Variants in MMP26 observed in about 807,000 individuals in gnomAD.
MMP26 encodes matrix metallopeptidase 26, also known as matrix metalloproteinase-26.
MMP26 carries 33 observed loss-of-function variants against 31.0 expected under a neutral mutation model. That is an observed-to-expected ratio of 1.06 (90% CI 0.81 to 1.42). MMP26 has a LOEUF of 1.42. MMP26 is among the 40% of genes most tolerant of loss of function. The pLI is 0.00. For synonymous variants in MMP26, 122 were observed against 114.9 expected (o/e 1.06, Z -0.40); for missense variants, 347 against 316.1 (o/e 1.10, Z -0.74).
chr11:4,789,753 G>C (rs1195539758), intron 2 of MMP26, among the ~76,000 whole-genome samples: 1 of 151,440 alleles, frequency 6.6e-6, no homozygotes, highest in Non-Finnish European at 1.5e-5. Flanking sequence ...TGTTAGCCAG[G>C]ATGGTGTCGA....
intron 2 of MMP26, among the ~76,000 whole-genome samples, chr11:4,957,313 G>T (rs1846457460): frequency 6.6e-6 from 1 of 152,136 alleles, no homozygotes; most frequent in African/African-American, 2.4e-5. Context: ...AAGAGTTAAA[G>T]AATATATTTG....
At position 4,836,041 on chromosome 11, in the gene MMP26, T is replaced by C. The variant is rs574218587; in HGVS notation, c.-145+68700T>C. 2.6e-5 allele frequency among the ~76,000 whole-genome samples: 4 copies of C among 152,146 alleles called. No individual in the cohort carries two copies. In the South Asian group the frequency reaches 8.3e-4, roughly 32 times the overall value. On this transcript the variant is annotated intron_variant, in intron 2 of 7. Coordinates refer to ENST00000380390, the MANE Select transcript of MMP26 (RefSeq NM_021801.5). ...AATTTTATTGGAAAACAGAAAAAAC[T>C]GTTAATGAAACACTTATACACTCTT...
chr11:4,854,115 T>C (rs1850014423), intron 2 of MMP26, among the ~76,000 whole-genome samples: 1 of 152,160 alleles, frequency 6.6e-6, no homozygotes, highest in Non-Finnish European at 1.5e-5. Flanking sequence ...GATGGCTGAA[T>C]AGGAACAGCT....
At chr11:4,941,867 T>C (rs2595999) in intron 2 of MMP26, among the ~76,000 whole-genome samples, 125,393 of 150,424 alleles carry the variant, frequency 0.83, 52,451 homozygotes, top group Middle Eastern at 0.92. Context: ...AGGTGGATCA[T>C]GAGGTCAGGA....
intron 2 of MMP26, among the ~76,000 whole-genome samples, chr11:4,881,473 A>G (rs1371645633): frequency 1.3e-5 from 2 of 152,136 alleles, no homozygotes; most frequent in Non-Finnish European, 2.9e-5. Flanking sequence ...CTCCACAAAC[A>G]TTCTTCTTTA....
chr11:4,808,375 A>G (rs144044790), intron 2 of MMP26, among the ~76,000 whole-genome samples: 2 of 152,226 alleles, frequency 1.3e-5, no homozygotes, highest in East Asian at 3.9e-4. Context: ...TGCATGCTGA[A>G]TTAGAGGAAG....
intron 2 of MMP26, among the ~76,000 whole-genome samples, chr11:4,813,559 A>G (rs1307469246): frequency 6.6e-6 from 1 of 152,172 alleles, no homozygotes; most frequent in East Asian, 1.9e-4. Context: ...AATCAATTCT[A>G]TTCAGTGACA....
chr11:4,712,576 T>G (rs1039569620), intron 1 of MMP26, among the ~76,000 whole-genome samples: 1 of 152,152 alleles, frequency 6.6e-6, no homozygotes, highest in Non-Finnish European at 1.5e-5. Flanking sequence ...AAAAATAATT[T>G]TGAAGTTGGA....
In MMP26 at chr11:4,886,377, C is replaced by T. The variant is rs148906107; in HGVS notation, c.-144-101691C>T. On this transcript the variant is annotated intron_variant, in intron 2 of 7. Transcript: ENST00000380390. ...TTCGTAAGTCTTTAACTTCCTAACCCAGAGAAGAAGAGGAAGTAATAAATT... is the reference window on the plus strand; with the variant it reads ...TTCGTAAGTCTTTAACTTCCTAACCTAGAGAAGAAGAGGAAGTAATAAATT... Among the ~76,000 whole-genome samples, 719 of 152,088 alleles carry T rather than the reference C, an allele frequency of 4.7e-3. 7 individuals are homozygous for T. The highest frequency in any genetic ancestry group is 0.015 in the African/African-American group (614 of 41,512).
chr11:4,988,651 C>A (rs1330460252), intron 3 of MMP26, among the ~76,000 whole-genome samples: 1 of 151,994 alleles, frequency 6.6e-6, no homozygotes, highest in East Asian at 1.9e-4. Context: ...AGTGAGAGAT[C>A]AAGGGAAATC....
At chr11:4,925,290 C>T (rs1246174277) in intron 2 of MMP26, among the ~76,000 whole-genome samples, 1 of 152,084 alleles carries the variant, frequency 6.6e-6, no homozygotes, top group Admixed American at 6.5e-5. Context: ...CGTATTTTCC[C>T]ACTACTATTG....
rs535526339 is a variant in MMP26 at position 4,811,457 on chromosome 11, T to A, written c.-145+44116T>A. ...ACTTGTAAATGAGAACATGTGGTATTTGGTTTTCTGTTCCTGCTTTAAGTT... is the reference window on the plus strand; with the variant it reads ...ACTTGTAAATGAGAACATGTGGTATATGGTTTTCTGTTCCTGCTTTAAGTT... On this transcript the variant is annotated intron_variant, in intron 2 of 7. Coordinates refer to ENST00000380390, the MANE Select transcript of MMP26 (RefSeq NM_021801.5). 9.5e-4 allele frequency among the ~76,000 whole-genome samples: 144 copies of A among 152,328 alleles called. 3 individuals carry two copies. Among genetic ancestry groups the A allele is most frequent in the South Asian group, 6.2e-3 (30 of 4,826 alleles).
intron 2 of MMP26, among the ~76,000 whole-genome samples, chr11:4,980,444 A>G (rs78345291): frequency 2.6e-3 from 399 of 152,258 alleles, no homozygotes; most frequent in African/African-American, 8.6e-3. Flanking sequence ...TACAATGTAT[A>G]TATTGAACAC....
intron 1 of MMP26, chr11:4,718,593 T>G (rs898015825): frequency 1.9e-5 from 3 of 154,128 alleles, no homozygotes; most frequent in Admixed American, 6.5e-5. Context: ...AGCTTAAGAT[T>G]CTGCCATTTG....
At chr11:4,775,581 A>G (rs1848780388) in intron 2 of MMP26, among the ~76,000 whole-genome samples, 1 of 152,098 alleles carries the variant, frequency 6.6e-6, no homozygotes, top group African/African-American at 2.4e-5. Flanking sequence ...GGTAATTTGT[A>G]AAGAAACAGA....
chr11:4,838,174 C>T (rs12802274), intron 2 of MMP26, among the ~76,000 whole-genome samples: 16,534 of 150,154 alleles, frequency 0.11, 1,000 homozygotes, highest in Middle Eastern at 0.17. Context: ...AAAAATTAGC[C>T]GGGCGTGGTG....
chr11:4,906,498 A>G (rs1431658695), intron 2 of MMP26, among the ~76,000 whole-genome samples: 1 of 152,238 alleles, frequency 6.6e-6, no homozygotes, highest in Non-Finnish European at 1.5e-5. Context: ...ATATTTACTC[A>G]TGTATAAAAT....
rs372886361 is a variant in MMP26, at chr11:4,798,170, T to G, written c.-145+30829T>G. 1.8e-4 allele frequency among the ~76,000 whole-genome samples: 28 copies of G among 152,340 alleles called. No individual in the cohort carries two copies. The East Asian group carries it at 2.7e-3, about 15-fold the overall frequency. ...ATGTTGAGAACTGGAAACCAAAGAC[T>G]GACAGTCCAGATTCATCAGGGGTGG... On this transcript the variant is annotated intron_variant, in intron 2 of 7. Transcript: ENST00000380390.
chr11:4,815,355 G>A (rs1274039348), intron 2 of MMP26, among the ~76,000 whole-genome samples: 1 of 152,104 alleles, frequency 6.6e-6, no homozygotes, highest in Non-Finnish European at 1.5e-5. Flanking sequence ...ACTGTTTTAG[G>A]GTAAAGATCT....
Sources: allele counts gnomAD v4.1 joint callset (sites outside exome capture counted in the v4.1 genomes callset), GRCh38; gene constraint gnomAD v4.1.1; transcripts MANE v1.5; gene names NCBI Gene and HGNC (gene_info 2026-07-23, HGNC 2026-07-21).